Variants in HTR2C observed in about 807,000 individuals in gnomAD.
The protein encoded by HTR2C is 5-hydroxytryptamine (serotonin) receptor 2C, G protein-coupled.
HTR2C carries 5 observed loss-of-function variants against 21.0 expected under a neutral mutation model. The ratio of observed to expected loss-of-function variants is 0.24; its 90% CI spans 0.12 to 0.50. The LOEUF is 0.50. Ranked by LOEUF, HTR2C falls within the 20% of genes least tolerant of loss-of-function variation. HTR2C has a pLI of 0.98. For synonymous variants in HTR2C, 150 were observed against 145.3 expected, an observed-to-expected ratio of 1.03 and a Z score of -0.23; for missense variants, 271 against 371.2, an observed-to-expected ratio of 0.73 and a Z score of 2.22.
chrX:114,701,651 C>T (rs1437189846), intron 2 of HTR2C, among the ~76,000 whole-genome samples: 3 of 112,161 alleles, frequency 2.7e-5, no homozygotes, highest in East Asian at 2.8e-4. Context: ...AAAAGCAGAG[C>T]ACCTCTCCTC....
chrX:114,824,937 C>T (rs1556457802), intron 4 of HTR2C, among the ~76,000 whole-genome samples: 1 of 111,631 alleles, frequency 9.0e-6, no homozygotes, highest in Non-Finnish European at 1.9e-5. Context: ...GTATAATACC[C>T]ATGTAATTTC....
intron 5 of HTR2C, among the ~76,000 whole-genome samples, chrX:114,880,975 T>C (rs1217528914): frequency 3.6e-5 from 4 of 110,903 alleles, no homozygotes; most frequent in Admixed American, 9.6e-5. Flanking sequence ...CAAATTGTTT[T>C]CCAAATGCAG....
intron 2 of HTR2C, among the ~76,000 whole-genome samples, chrX:114,631,570 G>A (rs1929629067): frequency 9.0e-6 from 1 of 111,637 alleles, no homozygotes; most frequent in African/African-American, 3.3e-5. Context: ...TAGTAAGACA[G>A]AGAGATAAGT....
chrX:114,595,955 A>G (rs1927826921), intron 1 of HTR2C, among the ~76,000 whole-genome samples: 1 of 112,315 alleles, frequency 8.9e-6, no homozygotes, highest in Non-Finnish European at 1.9e-5. Flanking sequence ...GCTTCAACTT[A>G]TTATGACTTC....
chrX:114,761,978 CGTGTATATAT>C (rs2069879918), intron 4 of HTR2C, among the ~76,000 whole-genome samples: 19 of 91,745 alleles, frequency 2.1e-4, no homozygotes, highest in Non-Finnish European at 3.1e-4. Flanking sequence ...TGTATATATA[CGTGTATATAT>C]ACTATATATA....
At chrX:114,621,442 T>TC (rs782207550) in intron 2 of HTR2C, among the ~76,000 whole-genome samples, 1 of 112,110 alleles carries the variant, frequency 8.9e-6, no homozygotes, top group East Asian at 2.8e-4. Context: ...CCTACAATTT[T>TC]CCCATATCAT....
chrX:114,653,688 A>G (rs1556408890), intron 2 of HTR2C, among the ~76,000 whole-genome samples: 2 of 110,361 alleles, frequency 1.8e-5, no homozygotes, highest in Admixed American at 2.0e-4. Flanking sequence ...TATTAAGTGT[A>G]CAAGGATTAT....
intron 2 of HTR2C, among the ~76,000 whole-genome samples, chrX:114,627,272 A>G (rs1310277155): frequency 9.0e-6 from 1 of 111,140 alleles, no homozygotes; most frequent in African/African-American, 3.3e-5. Flanking sequence ...GTTGATGTTG[A>G]TACAATGAAT....
intron 2 of HTR2C, among the ~76,000 whole-genome samples, chrX:114,677,345 A>C (rs782693876): frequency 8.9e-6 from 1 of 111,763 alleles, no homozygotes; most frequent in South Asian, 3.7e-4. Context: ...GAGGGCCTAG[A>C]TAAAAGGAAG....
chrX:114,805,747 A>C (rs1556448768), intron 4 of HTR2C, among the ~76,000 whole-genome samples: 4 of 88,345 alleles, frequency 4.5e-5, no homozygotes, highest in African/African-American at 1.7e-4. Context: ...TACACCATAT[A>C]TACACCTATA....
At chrX:114,830,516 T>C (rs782136401) in intron 4 of HTR2C, among the ~76,000 whole-genome samples, 1 of 111,393 alleles carries the variant, frequency 9.0e-6, no homozygotes. Flanking sequence ...TTGTAATCTA[T>C]AGGAGAGATA....
intron 2 of HTR2C, among the ~76,000 whole-genome samples, chrX:114,679,531 G>A (rs952774819): frequency 3.2e-4 from 35 of 110,602 alleles, no homozygotes; most frequent in Non-Finnish European, 5.3e-4. Flanking sequence ...TGCCCGTCTC[G>A]GCCTCCCAAA....
intron 2 of HTR2C, among the ~76,000 whole-genome samples, chrX:114,718,126 C>T (rs935332607): frequency 2.7e-5 from 3 of 111,238 alleles, no homozygotes; most frequent in Middle Eastern, 4.6e-3. Context: ...GACCTCAAGC[C>T]ATCCTCCCAC....
chrX:114,909,953 T>C lies in HTR2C; in HGVS notation c.*2538T>C, dbSNP rs2071402523. 8.9e-6 allele frequency: 1 copy of C among 112,401 alleles called. No homozygotes were observed. Among genetic ancestry groups the C allele is most frequent in the South Asian group, 3.7e-4 (1 of 2,731 alleles). 9.3% of individuals were successfully genotyped at this position (112,401 alleles called of 1,213,427 possible). ...GTAATTCTTCTCCTTTGTCAAATGG[T>C]ATTTTTTGTGAATGGTTGCAAAGTG... On this transcript the variant is annotated 3_prime_UTR_variant, in exon 6 of 6. Transcript: ENST00000276198.
intron 4 of HTR2C, among the ~76,000 whole-genome samples, chrX:114,806,835 ACATATATACAC>A (rs1410284040): frequency 9.9e-6 from 1 of 101,063 alleles, no homozygotes; most frequent in Non-Finnish European, 2.0e-5. Context: ...TATATACACC[ACATATATACAC>A]CATATATATA....
At chrX:114,894,562 G>A (rs1602923327) in intron 5 of HTR2C, among the ~76,000 whole-genome samples, 2 of 110,853 alleles carry the variant, frequency 1.8e-5, no homozygotes, top group East Asian at 5.6e-4. Context: ...TGTTTCAACT[G>A]GGATGGTGAT....
rs868907406 is a variant in HTR2C at position 114,731,381 on chromosome X, C to T, written c.123C>T (p.Ser41=). Reference sequence around the variant, plus strand: ...TAGTAACTGACATTTTCAATACCTCCGATGGTGGACGCTTCAAATTCCCAG... The same window carrying T: ...TAGTAACTGACATTTTCAATACCTCTGATGGTGGACGCTTCAAATTCCCAG... ...AAIVTDIFNT[S]DGGRFKFPDG... The change falls in exon 4 of 6, where the codon TCC becomes TCT. Residue 41 remains serine, a synonymous_variant. Transcript: ENST00000276198. 2 of 1,203,545 alleles carry T rather than the reference C, an allele frequency of 1.7e-6. No homozygotes were observed. The highest frequency in any genetic ancestry group is 3.0e-5 in the East Asian group (1 of 33,792).
chrX:114,854,524 A>G (rs1454223123), intron 5 of HTR2C, among the ~76,000 whole-genome samples: 2 of 110,769 alleles, frequency 1.8e-5, no homozygotes, highest in East Asian at 5.7e-4. Flanking sequence ...GTAACGTACA[A>G]TGTACCCATT....
At chrX:114,627,574 G>A (rs1929429505) in intron 2 of HTR2C, among the ~76,000 whole-genome samples, 1 of 111,175 alleles carries the variant, frequency 9.0e-6, no homozygotes, top group East Asian at 2.8e-4. Context: ...TGTACAAAGA[G>A]GTGAGGAATT....
Sources: allele counts gnomAD v4.1 joint callset (sites outside exome capture counted in the v4.1 genomes callset), GRCh38; gene constraint gnomAD v4.1.1; transcripts MANE v1.5; gene names NCBI Gene and HGNC (gene_info 2026-07-23, HGNC 2026-07-21).